The following TGFBRAP1 variants were observed in gnomAD, a reference collection of about 807,000 sequenced individuals.
TGFBRAP1 encodes the protein transforming growth factor-beta receptor-associated protein 1.
In TGFBRAP1, 20 loss-of-function variants were observed where a neutral mutation model predicts 83.2. The ratio of observed to expected loss-of-function variants is 0.24; its 90% CI spans 0.17 to 0.35. TGFBRAP1 has a LOEUF of 0.35. Among genes scored for constraint, TGFBRAP1 ranks in the 10% least tolerant of loss-of-function variants. TGFBRAP1 has a pLI of 1.00. For missense variants in TGFBRAP1, 950 were observed against 1,099.4 expected (o/e 0.86, Z 1.92); for synonymous variants, 415 against 459.8 (o/e 0.90, Z 1.25).
At chr2:105,268,338 T>C (rs1395360988) in intron 11 of TGFBRAP1, among the ~76,000 whole-genome samples, 4 of 152,050 alleles carry the variant, frequency 2.6e-5, no homozygotes, top group African/African-American at 4.8e-5. Context: ...CAAACTCTAA[T>C]AGTAGCGGGT....
In TGFBRAP1 at chr2:105,320,915, C is replaced by T. The variant is rs897269947; in HGVS notation, c.-18+8710G>A. The stretch of plus-strand genomic sequence containing the variant: ...ACAGTGGTGGGATCGAATTTAACAA[C>T]GTAATAATCCCTAAAGGAAAACACA... On this transcript the variant is annotated intron_variant, in intron 1 of 11. Transcript: ENST00000393359. Among the ~76,000 whole-genome samples, 15 of 152,128 alleles carry T rather than the reference C, an allele frequency of 9.9e-5. 1 individual carries two copies. The highest frequency in any genetic ancestry group is 4.6e-4 in the Admixed American group (7 of 15,266).
At chr2:105,293,991 G>A (rs1027371966) in intron 4 of TGFBRAP1, among the ~76,000 whole-genome samples, 5 of 152,118 alleles carry the variant, frequency 3.3e-5, no homozygotes, top group African/African-American at 9.7e-5. Flanking sequence ...ATATTTATGC[G>A]AGGTATCAAA....
At chr2:105,277,866 C>T (rs1490483013) in intron 6 of TGFBRAP1, among the ~76,000 whole-genome samples, 195 bp from the exon 7 acceptor site, 2 of 152,172 alleles carry the variant, frequency 1.3e-5, no homozygotes, top group Non-Finnish European at 2.9e-5. Flanking sequence ...CCAGCCTGGG[C>T]AACAACATAG....
downstream of TGFBRAP1, among the ~76,000 whole-genome samples, chr2:105,262,220 T>G (rs549289281): frequency 6.6e-6 from 1 of 152,218 alleles, no homozygotes; most frequent in East Asian, 1.9e-4. Context: ...GAAATTAACC[T>G]CCAGTGTTGG....
intron 4 of TGFBRAP1, among the ~76,000 whole-genome samples, chr2:105,295,899 A>G (rs1383108862): frequency 6.6e-6 from 1 of 152,134 alleles, no homozygotes; most frequent in Non-Finnish European, 1.5e-5. Context: ...AATGGTTATC[A>G]ATATGTTTAG....
Position 105,296,756 on chromosome 2 carries a change from C to CTTTTTTTTTTTTTTTTT in TGFBRAP1, c.884-263_884-247dup, listed in dbSNP as rs60031957. ...ATAATATCTTGCTTTCTTTTTTTGC[C>CTTTTTTTTTTTTTTTTT]TTTTTTTTTTTTTTTTTTTTTTTTT... On this transcript the variant is annotated intron_variant, in intron 3 of 11. Transcript: ENST00000393359. 2.2e-4 allele frequency among the ~76,000 whole-genome samples: 16 copies of CTTTTTTTTTTTTTTTTT among 73,226 alleles called. 1 individual carries two copies. The highest frequency in any genetic ancestry group is 3.3e-4 in the Non-Finnish European group (13 of 38,970). The allele number at this position is 73,226 out of a possible 152,430, so 48.0% of individuals were successfully genotyped here.
chr2:105,251,431 G>C, the TGFBRAP1 span, among the ~76,000 whole-genome samples: 1 of 144,596 alleles, frequency 6.9e-6, no homozygotes, highest in Non-Finnish European at 1.5e-5. Flanking sequence ...CCGTCTGGGA[G>C]GTGAGGAGCG....
intron 4 of TGFBRAP1, among the ~76,000 whole-genome samples, chr2:105,286,993 T>C (rs1423489835): frequency 6.6e-6 from 1 of 152,188 alleles, no homozygotes; most frequent in Admixed American, 6.5e-5. Flanking sequence ...TACACCTTTC[T>C]AACTAATGGA....
chr2:105,259,711 GC>G (rs1197748207), downstream of TGFBRAP1, among the ~76,000 whole-genome samples: 8 of 152,222 alleles, frequency 5.3e-5, no homozygotes, highest in African/African-American at 1.9e-4. Flanking sequence ...GGCAGCAGCT[GC>G]CCTGTCTCTG....
chr2:105,258,642 T>C, the TGFBRAP1 span, among the ~76,000 whole-genome samples: 1 of 151,668 alleles, frequency 6.6e-6, no homozygotes, highest in Non-Finnish European at 1.5e-5. Flanking sequence ...TGGCAGAACA[T>C]AGAAACTTCT....
At chr2:105,304,892 C>T (rs1318234048) in intron 2 of TGFBRAP1, among the ~76,000 whole-genome samples, 1 of 152,010 alleles carries the variant, frequency 6.6e-6, no homozygotes, top group Non-Finnish European at 1.5e-5. Context: ...AAGAAAAAAC[C>T]CCATGGAAAC....
At chr2:105,256,417 C>A in the TGFBRAP1 span, among the ~76,000 whole-genome samples, 3 of 152,142 alleles carry the variant, frequency 2.0e-5, no homozygotes, top group Non-Finnish European at 4.4e-5. Context: ...TTTTCCCCGA[C>A]TTAAGGCTCC....
chr2:105,301,066 C>G (rs530137842), intron 2 of TGFBRAP1, among the ~76,000 whole-genome samples: 3 of 151,564 alleles, frequency 2.0e-5, no homozygotes, highest in Non-Finnish European at 2.9e-5. Flanking sequence ...GCTACAAAAA[C>G]TACAAAAATT....
intron 4 of TGFBRAP1, among the ~76,000 whole-genome samples, chr2:105,288,923 A>ATATT (rs1677807262): frequency 1.3e-5 from 2 of 152,198 alleles, no homozygotes; most frequent in Non-Finnish European, 2.9e-5. Context: ...GAATCACAAT[A>ATATT]AGTGTTAGAA....
intron 1 of TGFBRAP1, among the ~76,000 whole-genome samples, chr2:105,326,532 A>G (rs1296912248): frequency 6.6e-6 from 1 of 152,224 alleles, no homozygotes; most frequent in East Asian, 1.9e-4. Flanking sequence ...AACCTGGGCA[A>G]CATGGTGAAA....
At position 105,306,061 on chromosome 2, in the gene TGFBRAP1, G is replaced by GTTTTTTTTTTTTTTTTTTTTT. The variant is rs67017916; in HGVS notation, c.688+1552_688+1553insAAAAAAAAAAAAAAAAAAAAA. 2.7e-5 allele frequency among the ~76,000 whole-genome samples: 2 copies of GTTTTTTTTTTTTTTTTTTTTT among 74,898 alleles called. 1 individual carries two copies. Among genetic ancestry groups the GTTTTTTTTTTTTTTTTTTTTT allele is most frequent in the Non-Finnish European group, 6.0e-5 (2 of 33,220 alleles). 49.1% of individuals were successfully genotyped at this position (74,898 alleles called of 152,430 possible). On this transcript the variant is annotated intron_variant, in intron 2 of 11. Transcript: ENST00000393359. ...GGAGTTTTCTGGTTTTTTGTTTTTT[G>GTTTTTTTTTTTTTTTTTTTTT]TTTTTTGTTTTTTTTTTTTTGAGAC...
At chr2:105,308,998 G>T (rs1678611948) in intron 1 of TGFBRAP1, among the ~76,000 whole-genome samples, 3 of 152,320 alleles carry the variant, frequency 2.0e-5, no homozygotes, top group South Asian at 2.1e-4. Context: ...GGAGAGTAAA[G>T]GTGTGCCTCG....
the TGFBRAP1 span, among the ~76,000 whole-genome samples, chr2:105,250,951 C>T: frequency 6.6e-6 from 1 of 152,250 alleles, no homozygotes; most frequent in South Asian, 2.1e-4. Flanking sequence ...CGCGTTCACT[C>T]AGTGCTCAAT....
At chr2:105,313,226 C>T (rs1481202482) in intron 1 of TGFBRAP1, among the ~76,000 whole-genome samples, 4 of 152,178 alleles carry the variant, frequency 2.6e-5, no homozygotes, top group South Asian at 2.1e-4. Flanking sequence ...ATGGGGTGGG[C>T]GCCACAGATT....
Sources: gnomAD v4.1 joint callset for allele counts (sites outside exome capture counted in the v4.1 genomes callset) on GRCh38, gnomAD v4.1.1 for gene constraint, MANE v1.5 for transcripts, NCBI Gene and HGNC (gene_info 2026-07-23, HGNC 2026-07-21) for gene names.